LRBA: variants seen among roughly 807,000 people sequenced by gnomAD.
LRBA encodes LPS responsive beige-like anchor protein.
In LRBA, 176 loss-of-function variants were observed where a neutral mutation model predicts 330.0. The observed-to-expected ratio is 0.53, with a 90% CI of 0.47 to 0.60. The LOEUF is 0.60. LRBA is among the 20% of genes least tolerant of loss of function. The pLI is 0.00. For missense variants in LRBA, 3,259 were observed against 3,444.8 expected (o/e 0.95, Z 1.35); for synonymous variants, 1,230 against 1,193.0 (o/e 1.03, Z -0.64).
chr4:150,663,197 G>A (rs1217726429), intron 37 of LRBA, among the ~76,000 whole-genome samples: 1 of 152,130 alleles, frequency 6.6e-6, no homozygotes, highest in Non-Finnish European at 1.5e-5. Context: ...CACGGTTAAT[G>A]AGAATTCTGA....
At chr4:150,843,244 A>G (rs1434618655) in intron 28 of LRBA, among the ~76,000 whole-genome samples, 3 of 152,158 alleles carry the variant, frequency 2.0e-5, no homozygotes, top group African/African-American at 2.4e-5. Flanking sequence ...CAAATTCTAC[A>G]TATGCATAAA....
Position 150,806,502 on chromosome 4 carries a change from A to G in LRBA, c.5385-98T>C. 3.0e-6 allele frequency: 2 copies of G among 656,866 alleles called. 1 individual carries two copies. The highest frequency in any genetic ancestry group is 4.3e-6 in the Non-Finnish European group (2 of 462,178). The allele number at this position is 656,866 out of a possible 1,614,324, so 40.7% of individuals were successfully genotyped here. A position where few individuals can be genotyped will look rare whatever the true frequency, so the allele number is the denominator to read the frequency against. On this transcript the variant is annotated intron_variant, in intron 32 of 56. Coordinates refer to ENST00000651943, the MANE Select transcript of LRBA (RefSeq NM_001364905.1). The stretch of plus-strand genomic sequence containing the variant: ...TGTATTTCCATATATATATATAATT[A>G]TTTAAAAAAATTAAAAATCACCTAA...
In LRBA at chr4:150,608,736, A is replaced by C. The variant is rs191494777; in HGVS notation, c.5922-9605T>G. On this transcript the variant is annotated intron_variant, in intron 37 of 56. Transcript: ENST00000651943. ...TTATCACCCCAAAATGAAACTCCAT[A>C]CCCATTACCCGTCATTCCACATCTT... Among the ~76,000 whole-genome samples the C allele has an allele frequency of 1.8e-3, 275 of 152,262 alleles. 3 individuals carry two copies. The highest frequency in any genetic ancestry group is 0.014 in the Middle Eastern group (4 of 294).
At chr4:150,301,785 C>T (rs1729710779) in intron 53 of LRBA, among the ~76,000 whole-genome samples, 1 of 152,096 alleles carries the variant, frequency 6.6e-6, no homozygotes, top group African/African-American at 2.4e-5. Flanking sequence ...AAATACATTG[C>T]AACTTGCCTT....
chr4:150,489,315 TATATAAAATATATTACATATAAGA>T lies in LRBA; in HGVS notation c.6449-1505_6449-1482del, dbSNP rs1561250761. 7.2e-3 allele frequency among the ~76,000 whole-genome samples: 441 copies of T among 60,902 alleles called. 27 individuals are homozygous for T. Among genetic ancestry groups the T allele is most frequent in the African/African-American group, 0.028 (414 of 14,564 alleles). 40.0% of individuals were successfully genotyped at this position (60,902 alleles called of 152,430 possible). ...ATATATAATATATTATATATAAGAA[TATATAAAATATATTACATATAAGA>T]ATATAAAATATATTACATATAAGAA... On this transcript the variant is annotated intron_variant, in intron 41 of 56. Transcript: ENST00000651943.
At chr4:150,297,159 A>G (rs541925008) in intron 53 of LRBA, among the ~76,000 whole-genome samples, 1 of 152,088 alleles carries the variant, frequency 6.6e-6, no homozygotes, top group South Asian at 2.1e-4. Flanking sequence ...TTATATGGCT[A>G]TAACCTATGG....
intron 44 of LRBA, among the ~76,000 whole-genome samples, chr4:150,464,030 C>T (rs756809555): frequency 9.3e-5 from 14 of 151,012 alleles, no homozygotes; most frequent in Non-Finnish European, 1.3e-4. Flanking sequence ...AAATAACCTC[C>T]CACTTGTCAC....
chr4:150,453,315 T>C (rs1753622687), intron 44 of LRBA, among the ~76,000 whole-genome samples: 1 of 152,178 alleles, frequency 6.6e-6, no homozygotes, highest in Non-Finnish European at 1.5e-5. Context: ...GATACTGATA[T>C]AAGGATATAC....
At chr4:150,719,872 T>C (rs1728701155) in intron 36 of LRBA, among the ~76,000 whole-genome samples, 1 of 152,094 alleles carries the variant, frequency 6.6e-6, no homozygotes, top group African/African-American at 2.4e-5. Context: ...CTTAAATGAC[T>C]GAGGGAAATG....
intron 47 of LRBA, among the ~76,000 whole-genome samples, chr4:150,373,477 CT>C (rs574793459): frequency 1.3e-5 from 2 of 152,106 alleles, no homozygotes; most frequent in Non-Finnish European, 2.9e-5. Context: ...TCCATACCTA[CT>C]TTGTTAATCC....
At chr4:150,400,732 A>G (rs1425321487) in intron 47 of LRBA, among the ~76,000 whole-genome samples, 1 of 152,154 alleles carries the variant, frequency 6.6e-6, no homozygotes, top group East Asian at 1.9e-4. Context: ...ATGTGCCTAT[A>G]GTTCTAGCTA....
intron 37 of LRBA, among the ~76,000 whole-genome samples, chr4:150,641,586 C>CT (rs1031503111): frequency 1.3e-4 from 19 of 151,884 alleles, no homozygotes; most frequent in African/African-American, 3.1e-4. Context: ...TGCCTATTTT[C>CT]TTTTTTTTCT....
chr4:150,489,305 T>TATATACGAATATATAATATATTAC lies in LRBA; in HGVS notation c.6449-1472_6449-1471insGTAATATATTATATATTCGTATAT, dbSNP rs1561250686. ...ATATATAAGAATATATAATATATTA[T>TATATACGAATATATAATATATTAC]ATATAAGAATATATAAAATATATTA... is the stretch of plus-strand genomic sequence containing the variant. On this transcript the variant is annotated intron_variant, in intron 41 of 56. Transcript: ENST00000651943. Among the ~76,000 whole-genome samples the TATATACGAATATATAATATATTAC allele has an allele frequency of 4.4e-3, 275 of 62,322 alleles. 5 individuals carry two copies. Among genetic ancestry groups the TATATACGAATATATAATATATTAC allele is most frequent in the South Asian group, 6.3e-3 (10 of 1,594 alleles). 40.9% of individuals were successfully genotyped at this position (62,322 alleles called of 152,430 possible). A position where few individuals can be genotyped will look rare whatever the true frequency, so the allele number is the denominator to read the frequency against.
At chr4:150,287,090 A>C (rs1748228964) in intron 53 of LRBA, among the ~76,000 whole-genome samples, 1 of 152,234 alleles carries the variant, frequency 6.6e-6, no homozygotes, top group African/African-American at 2.4e-5. Flanking sequence ...AACACTGTGT[A>C]ATCCAGAAGA....
At chr4:150,285,832 G>C in intron 54 of LRBA, 101 bp downstream of exon 54, 1 of 623,710 alleles carries the variant, frequency 1.6e-6, no homozygotes, top group Non-Finnish European at 2.6e-6. Flanking sequence ...TATCATAACA[G>C]ACAGAAGCTT....
At chr4:150,740,532 A>G (rs148277479) in intron 35 of LRBA, among the ~76,000 whole-genome samples, 52 of 152,120 alleles carry the variant, frequency 3.4e-4, no homozygotes, top group African/African-American at 1.1e-3. Flanking sequence ...TTACTAACAA[A>G]GTAAAAATGG....
At chr4:150,730,111 T>C (rs979548841) in intron 36 of LRBA, among the ~76,000 whole-genome samples, 5 of 152,056 alleles carry the variant, frequency 3.3e-5, no homozygotes, top group African/African-American at 9.7e-5. Flanking sequence ...TAATACCCCA[T>C]AGTCACAAGC....
intron 36 of LRBA, among the ~76,000 whole-genome samples, chr4:150,686,440 G>A (rs1424916891): frequency 1.3e-5 from 2 of 152,168 alleles, no homozygotes; most frequent in African/African-American, 2.4e-5. Flanking sequence ...ATTAAGAAAT[G>A]TATGAAAGGG....
intron 2 of LRBA, among the ~76,000 whole-genome samples, chr4:150,946,793 G>A (rs1736294531): frequency 6.6e-6 from 1 of 151,884 alleles, no homozygotes; most frequent in Admixed American, 6.6e-5. Flanking sequence ...TCAATGAAGA[G>A]CTAGTTCTTT....
Sources: gnomAD v4.1 joint callset for allele counts (sites outside exome capture counted in the v4.1 genomes callset) on GRCh38, gnomAD v4.1.1 for gene constraint, MANE v1.5 for transcripts, NCBI Gene and HGNC (gene_info 2026-07-23, HGNC 2026-07-21) for gene names.